Variants in RRAGD observed in about 807,000 individuals in gnomAD.
RRAGD encodes Ras related GTP binding D.
In RRAGD, 12 loss-of-function variants were observed where a neutral mutation model predicts 35.5. The observed-to-expected ratio is 0.34, with a 90% CI of 0.22 to 0.55. The LOEUF is 0.55. RRAGD is among the 20% of genes least tolerant of loss of function. RRAGD has a pLI of 0.91. For missense variants in RRAGD, 324 were observed against 490.1 expected, an observed-to-expected ratio of 0.66 and a Z score of 3.20; for synonymous variants, 155 against 178.9, an observed-to-expected ratio of 0.87 and a Z score of 1.07.
intron 5 of RRAGD, among the ~76,000 whole-genome samples, chr6:89,374,532 A>C (rs1412953011): frequency 6.6e-6 from 1 of 152,118 alleles, no homozygotes; most frequent in East Asian, 1.9e-4. Context: ...GGAGTTCGAG[A>C]ACAGCCTGAC....
At chr6:89,398,762 A>G (rs1420215159) in intron 1 of RRAGD, among the ~76,000 whole-genome samples, 1 of 152,254 alleles carries the variant, frequency 6.6e-6, no homozygotes, top group Non-Finnish European at 1.5e-5. Context: ...CCCATTTCAC[A>G]GGTGAAGAAA....
At chr6:89,403,436 C>T (rs1769515418) in intron 1 of RRAGD, among the ~76,000 whole-genome samples, 1 of 151,146 alleles carries the variant, frequency 6.6e-6, no homozygotes. Context: ...CAGAGCAAGA[C>T]TCTGTCAAAA....
At chr6:89,400,488 C>T (rs1239292282) in intron 1 of RRAGD, among the ~76,000 whole-genome samples, 1 of 152,018 alleles carries the variant, frequency 6.6e-6, no homozygotes, top group Non-Finnish European at 1.5e-5. Context: ...CCTCTAATCT[C>T]CTCTCACCCT....
chr6:89,396,840 C>G (rs1193148933), intron 1 of RRAGD, among the ~76,000 whole-genome samples: 1 of 142,380 alleles, frequency 7.0e-6, no homozygotes, highest in East Asian at 2.1e-4. Context: ...CTCCTGGGTT[C>G]AAGTGATTCT....
chr6:89,411,550 C>T lies in RRAGD; in HGVS notation c.148+296G>A, dbSNP rs1419330242. ...TGCGGAGAGCTTGGGGTGAGGGGCGCGGGAGGCACCGGCTCTGAAAGGGGC... is the reference window on the plus strand; with the variant it reads ...TGCGGAGAGCTTGGGGTGAGGGGCGTGGGAGGCACCGGCTCTGAAAGGGGC... On this transcript the variant is annotated intron_variant, in intron 1 of 6. Coordinates refer to ENST00000369415, the MANE Select transcript of RRAGD (RefSeq NM_021244.5). This position sits in a 1 kb window ranked among gnomAD's most constrained non-coding sequence, Gnocchi z 5.6. The T allele has an allele frequency of 5.0e-6, 2 of 400,840 alleles. No homozygotes were observed. Among genetic ancestry groups the T allele is most frequent in the Non-Finnish European group, 9.1e-6 (2 of 219,798 alleles). 24.8% of individuals were successfully genotyped at this position (400,840 alleles called of 1,614,324 possible).
chr6:89,392,430 T>C (rs551650607), intron 1 of RRAGD, among the ~76,000 whole-genome samples: 1 of 149,790 alleles, frequency 6.7e-6, no homozygotes, highest in Non-Finnish European at 1.5e-5. Context: ...CCGTGAGCTT[T>C]GATTGCACTA....
rs1299321029 is a variant in RRAGD, at chr6:89,407,778, T to C, written c.148+4068A>G. 2.0e-5 allele frequency among the ~76,000 whole-genome samples: 3 copies of C among 152,272 alleles called. No homozygotes were observed. In the East Asian group the frequency reaches 5.8e-4, roughly 29 times the overall value. ...GGGGTGAACTTGGGGCAGACTCAGT[T>C]ATCTTTGAAAGACAAAAGATGATCT... On this transcript the variant is annotated intron_variant, in intron 1 of 6. Transcript: ENST00000369415.
intron 1 of RRAGD, among the ~76,000 whole-genome samples, chr6:89,403,727 T>C (rs999599731): frequency 6.6e-6 from 1 of 150,824 alleles, no homozygotes; most frequent in African/African-American, 2.4e-5. Context: ...CTCAAACTCC[T>C]GGGCTCAAGT....
chr6:89,405,890 G>T (rs1769569701), intron 1 of RRAGD, among the ~76,000 whole-genome samples: 1 of 152,100 alleles, frequency 6.6e-6, no homozygotes, highest in South Asian at 2.1e-4. Context: ...AGTTCAATAA[G>T]AAATTCCAAC....
Position 89,364,930 on chromosome 6 carries a change from G to A in RRAGD, c.*3126C>T, listed in dbSNP as rs1478480008. 2 of 152,182 alleles carry A rather than the reference G, an allele frequency of 1.3e-5. No individual in the cohort carries two copies. Among genetic ancestry groups the A allele is most frequent in the Non-Finnish European group, 2.9e-5 (2 of 68,032 alleles). 9.4% of individuals were successfully genotyped at this position (152,182 alleles called of 1,614,324 possible). ...TCTTGAAAGCAATGGCTTAACAATG[G>A]TTATTAAGTGATGTACTGCTTAAAG... On this transcript the variant is annotated 3_prime_UTR_variant, in exon 7 of 7. Coordinates refer to ENST00000369415, the MANE Select transcript of RRAGD (RefSeq NM_021244.5).
intron 2 of RRAGD, among the ~76,000 whole-genome samples, chr6:89,380,912 GAA>G (rs60978384): frequency 7.3e-6 from 1 of 136,770 alleles, no homozygotes; most frequent in East Asian, 2.1e-4. Flanking sequence ...GTCACAAAAA[GAA>G]AAAAAAAAAA....
chr6:89,375,701 CTTG>C (rs1424205983), intron 5 of RRAGD, among the ~76,000 whole-genome samples: 1 of 152,216 alleles, frequency 6.6e-6, no homozygotes, highest in Non-Finnish European at 1.5e-5. Flanking sequence ...ACAGGACTGG[CTTG>C]TTGCTGCTCC....
chr6:89,397,488 C>G (rs1357285304), intron 1 of RRAGD, among the ~76,000 whole-genome samples: 3 of 151,924 alleles, frequency 2.0e-5, no homozygotes, highest in African/African-American at 4.8e-5. Context: ...ACCTGTAGTC[C>G]AGCTACTCGG....
At chr6:89,402,037 G>GTTTTTTTTTTTT (rs1194197994) in intron 1 of RRAGD, among the ~76,000 whole-genome samples, 9 of 52,308 alleles carry the variant, frequency 1.7e-4, no homozygotes, top group East Asian at 6.3e-4. Flanking sequence ...AAATCCTAAG[G>GTTTTTTTTTTTT]ATTTTTTTTT....
chr6:89,397,418 T>C (rs906743984), intron 1 of RRAGD, among the ~76,000 whole-genome samples: 4 of 152,146 alleles, frequency 2.6e-5, no homozygotes, highest in African/African-American at 7.2e-5. Flanking sequence ...TTTGTCCATA[T>C]AATAACGTGT....
intron 2 of RRAGD, among the ~76,000 whole-genome samples, chr6:89,385,762 C>A (rs1374442394): frequency 6.6e-6 from 1 of 152,122 alleles, no homozygotes; most frequent in Non-Finnish European, 1.5e-5. Context: ...AAGGAAGAAC[C>A]CTTCTAACCA....
chr6:89,394,889 A>G (rs1279738693), intron 1 of RRAGD, among the ~76,000 whole-genome samples: 5 of 152,184 alleles, frequency 3.3e-5, no homozygotes, highest in African/African-American at 7.2e-5. Context: ...ATTCACATAC[A>G]TATATAATTA....
At chr6:89,393,886 T>A (rs1056794176) in intron 1 of RRAGD, among the ~76,000 whole-genome samples, 3 of 152,134 alleles carry the variant, frequency 2.0e-5, no homozygotes, top group African/African-American at 7.2e-5. Flanking sequence ...AAAAGGGGTA[T>A]ATAGATCTTG....
intron 2 of RRAGD, among the ~76,000 whole-genome samples, chr6:89,382,907 G>T (rs185502028): frequency 7.2e-5 from 11 of 152,120 alleles, no homozygotes; most frequent in Admixed American, 4.6e-4. Context: ...TAAATTAAAT[G>T]AAAGGCAAAT....
Sources: allele counts gnomAD v4.1 joint callset (sites outside exome capture counted in the v4.1 genomes callset), GRCh38; gene constraint gnomAD v4.1.1; non-coding constraint Gnocchi (gnomAD v3.1); transcripts MANE v1.5; gene names NCBI Gene and HGNC (gene_info 2026-07-23, HGNC 2026-07-21).